The following FNIP1 variants were observed in gnomAD, a reference collection of about 807,000 sequenced individuals.
FNIP1 encodes the protein folliculin-interacting protein 1.
FNIP1 carries 40 observed loss-of-function variants against 124.5 expected under a neutral mutation model. That is an observed-to-expected ratio of 0.32 (90% confidence interval 0.25 to 0.42). The LOEUF (loss-of-function observed/expected upper bound fraction) is 0.42. Among genes scored for constraint, FNIP1 ranks in the 10% least tolerant of loss-of-function variants. The pLI, the probability that FNIP1 is intolerant of heterozygous loss-of-function variation, is 1.00. For missense variants in FNIP1, 1,176 were observed against 1,403.7 expected, an observed-to-expected ratio of 0.84 and a Z score of 2.59; for synonymous variants, 472 against 470.6, an observed-to-expected ratio of 1.00 and a Z score of -0.04.
At chr5:131,724,502 T>G (rs1223142522) in intron 3 of FNIP1, among the ~76,000 whole-genome samples, 1 of 152,238 alleles carries the variant, frequency 6.6e-6, no homozygotes, top group Admixed American at 6.5e-5. Flanking sequence ...GCCGTGTAAA[T>G]GTCTTCTTTT....
intron 9 of FNIP1, 69 bp from the exon 10 acceptor site, chr5:131,704,335 A>T: frequency 2.3e-6 from 3 of 1,291,998 alleles, no homozygotes; most frequent in Non-Finnish European, 3.2e-6. Flanking sequence ...TCTTCTTGCT[A>T]ATTAAATGTA....
At chr5:131,701,502 A>G (rs1768898682) in intron 10 of FNIP1, among the ~76,000 whole-genome samples, 1 of 152,192 alleles carries the variant, frequency 6.6e-6, no homozygotes, top group African/African-American at 2.4e-5. Context: ...CAATTGAAGA[A>G]ATGTAATCAG....
chr5:131,668,549 G>A (rs1258496792), intron 15 of FNIP1, among the ~76,000 whole-genome samples: 2 of 152,150 alleles, frequency 1.3e-5, no homozygotes, highest in Non-Finnish European at 2.9e-5. Context: ...GGCAGGTGTG[G>A]TGGTGGGCAC....
intron 1 of FNIP1, among the ~76,000 whole-genome samples, chr5:131,774,411 G>A (rs1414140883): frequency 6.6e-6 from 1 of 152,122 alleles, no homozygotes; most frequent in Non-Finnish European, 1.5e-5. Flanking sequence ...AACATCTTAT[G>A]TTACCTCTAA....
At chr5:131,707,763 T>A (rs1431136961) in intron 8 of FNIP1, among the ~76,000 whole-genome samples, 1 of 151,782 alleles carries the variant, frequency 6.6e-6, no homozygotes, top group Non-Finnish European at 1.5e-5. Context: ...ATAACCCTAT[T>A]AGAAAAAAAA....
intron 1 of FNIP1, among the ~76,000 whole-genome samples, chr5:131,752,017 C>A (rs1016210020): frequency 1.3e-5 from 2 of 152,052 alleles, no homozygotes; most frequent in Non-Finnish European, 2.9e-5. Context: ...ATAAAAAAGG[C>A]TTTATTACCA....
chr5:131,674,974 C>G (rs1767871081), intron 13 of FNIP1, among the ~76,000 whole-genome samples: 1 of 152,208 alleles, frequency 6.6e-6, no homozygotes, highest in Non-Finnish European at 1.5e-5. Context: ...ATAATTCCCA[C>G]AAATTACCAA....
chr5:131,739,812 CAAAA>C (rs60928249), intron 2 of FNIP1, among the ~76,000 whole-genome samples: 11 of 31,376 alleles, frequency 3.5e-4, no homozygotes, highest in Non-Finnish European at 5.1e-4. Context: ...GACTCCAGCT[CAAAA>C]AAAAAAAAAA....
At chr5:131,733,821 T>TATCA (rs531964490) in intron 2 of FNIP1, among the ~76,000 whole-genome samples, 108 of 152,330 alleles carry the variant, frequency 7.1e-4, no homozygotes, top group Middle Eastern at 3.4e-3. Flanking sequence ...CAGGCTTTGG[T>TATCA]ATCAGGATGA....
intron 15 of FNIP1, among the ~76,000 whole-genome samples, chr5:131,654,080 GT>G (rs1294461019): frequency 6.6e-6 from 1 of 152,148 alleles, no homozygotes; most frequent in East Asian, 1.9e-4. Context: ...TACTTTCATT[GT>G]TAAAAATGTT....
chr5:131,739,773 G>A (rs557710399), intron 2 of FNIP1, among the ~76,000 whole-genome samples: 175 of 139,520 alleles, frequency 1.3e-3, no homozygotes, highest in African/African-American at 4.7e-3. Context: ...AGATTGCGCC[G>A]CTGCTCTCCA....
chr5:131,677,628 G>T, intron 13 of FNIP1, 75 bp downstream of exon 13: 3 of 1,336,668 alleles, frequency 2.2e-6, no homozygotes, highest in South Asian at 3.0e-5. Flanking sequence ...ATTTATTTTT[G>T]GTTTTGCTAT....
At chr5:131,777,137 CAT>C (rs146931974) in intron 1 of FNIP1, among the ~76,000 whole-genome samples, 2,834 of 150,178 alleles carry the variant, frequency 0.019, 89 homozygotes, top group African/African-American at 0.065. Context: ...AGCTACTATA[CAT>C]ATATATATAT....
chr5:131,710,700 T>C (rs368826617), intron 6 of FNIP1, 39 bp from the exon 7 acceptor site: 2 of 1,582,600 alleles, frequency 1.3e-6, no homozygotes, highest in Admixed American at 1.8e-5. Context: ...GAAAGAGGAC[T>C]GTTAGAGAAG....
chr5:131,766,906 C>G (rs528053782), intron 1 of FNIP1, among the ~76,000 whole-genome samples: 1 of 152,110 alleles, frequency 6.6e-6, no homozygotes, highest in Non-Finnish European at 1.5e-5. Flanking sequence ...AGGCCCCCAG[C>G]CAACTGGATG....
intron 9 of FNIP1, 42 bp downstream of exon 9, chr5:131,706,368 AG>A: frequency 6.7e-7 from 1 of 1,493,926 alleles, no homozygotes; most frequent in Non-Finnish European, 9.0e-7. Flanking sequence ...ATTGTGTTTA[AG>A]GAACTACTCA....
chr5:131,671,487 T>C lies in FNIP1; in HGVS notation c.2939+18A>G, dbSNP rs1767746948. The C allele has an allele frequency of 1.9e-6, 3 of 1,587,754 alleles. No individual in the cohort carries two copies. The highest frequency in any genetic ancestry group is 2.6e-6 in the Non-Finnish European group (3 of 1,169,728). On this transcript the variant is annotated intron_variant, in intron 14 of 17. Coordinates refer to ENST00000510461, the MANE Select transcript of FNIP1 (RefSeq NM_133372.3). ...ATATTTATATAGGGCCCATTATAGG[T>C]GAAAACTTCCTACTTACCCAGGAAA...
intron 11 of FNIP1, among the ~76,000 whole-genome samples, chr5:131,696,162 T>G (rs1768683804): frequency 1.3e-5 from 2 of 152,176 alleles, no homozygotes; most frequent in Non-Finnish European, 1.5e-5. Context: ...TCACAGAACT[T>G]CTAGAAACAT....
chr5:131,728,945 C>T (rs1769985072), intron 3 of FNIP1, among the ~76,000 whole-genome samples: 1 of 152,232 alleles, frequency 6.6e-6, no homozygotes, highest in Non-Finnish European at 1.5e-5. Context: ...GGCCCCTCCG[C>T]TGCAGGTCTG....
Sources: allele counts gnomAD v4.1 joint callset (sites outside exome capture counted in the v4.1 genomes callset), GRCh38; gene constraint gnomAD v4.1.1; transcripts MANE v1.5; gene names NCBI Gene and HGNC (gene_info 2026-07-23, HGNC 2026-07-21).